The following PHACTR3 variants were observed in gnomAD, a reference collection of about 807,000 sequenced individuals.
PHACTR3 encodes the protein phosphatase and actin regulator 3.
PHACTR3 carries 16 observed loss-of-function variants against 66.8 expected under a neutral mutation model. That is an observed-to-expected ratio of 0.24 (90% CI 0.16 to 0.36). The LOEUF is 0.36. PHACTR3 is among the 10% of genes least tolerant of loss of function. The pLI, the probability that PHACTR3 is intolerant of heterozygous loss-of-function variation, is 1.00. For synonymous variants in PHACTR3, 323 were observed against 292.1 expected (o/e 1.11, Z -1.08); for missense variants, 647 against 719.9 (o/e 0.90, Z 1.16).
chr20:59,596,049 C>T (rs1029264634), intron 1 of PHACTR3, among the ~76,000 whole-genome samples: 7 of 152,340 alleles, frequency 4.6e-5, no homozygotes, highest in African/African-American at 1.2e-4. Flanking sequence ...AAAGCCGCCT[C>T]GTGTCCTCTC....
chr20:59,752,168 G>T (rs967479297), intron 3 of PHACTR3, among the ~76,000 whole-genome samples: 1 of 152,204 alleles, frequency 6.6e-6, no homozygotes, highest in African/African-American at 2.4e-5. Flanking sequence ...TGGTAGGAAC[G>T]CCGGGGGACA....
At chr20:59,624,166 C>G (rs2034364254) in intron 1 of PHACTR3, among the ~76,000 whole-genome samples, 1 of 152,120 alleles carries the variant, frequency 6.6e-6, no homozygotes, top group Admixed American at 6.5e-5. Flanking sequence ...AATTGCCCCT[C>G]TTTTGGTGCT....
intron 8 of PHACTR3, among the ~76,000 whole-genome samples, chr20:59,831,169 C>T (rs554711900): frequency 1.3e-5 from 2 of 152,172 alleles, no homozygotes; most frequent in African/African-American, 2.4e-5. Context: ...TGGCTGGTGC[C>T]CCCTTGGCCC....
At chr20:59,841,261 ATTTGGGT>A (rs2059055436) in intron 10 of PHACTR3, 127 bp from the exon 11 acceptor site, 2 of 814,352 alleles carry the variant, frequency 2.5e-6, no homozygotes, top group Middle Eastern at 3.7e-4. Context: ...GATTGCTTGT[ATTTGGGT>A]TATATTTTCC....
chr20:59,753,349 C>T (rs574691749), intron 3 of PHACTR3, among the ~76,000 whole-genome samples: 1 of 152,224 alleles, frequency 6.6e-6, no homozygotes, highest in Non-Finnish European at 1.5e-5. Context: ...TTTCATTCTC[C>T]CCGGAGGAGA....
chr20:59,789,111 G>A (rs980158172), intron 7 of PHACTR3, among the ~76,000 whole-genome samples: 1 of 152,224 alleles, frequency 6.6e-6, no homozygotes, highest in Non-Finnish European at 1.5e-5. Context: ...AACAGTACAT[G>A]CCTGTTATCC....
In PHACTR3 at chr20:59,735,629, C is replaced by A. The variant is rs1411757788; in HGVS notation, c.119-7478C>A. On this transcript the variant is annotated intron_variant, in intron 1 of 12. Coordinates refer to ENST00000371015, the MANE Select transcript of PHACTR3 (RefSeq NM_080672.5). ...CAGATGGACGAGGAACAGACCCTGG[C>A]TCCAGCGTTTGGCAGCCCTGCACTC... Among the ~76,000 whole-genome samples the A allele has an allele frequency of 2.6e-5, 4 of 152,150 alleles. No homozygotes were observed. The East Asian group carries it at 7.7e-4, about 29-fold the overall frequency.
intron 1 of PHACTR3, among the ~76,000 whole-genome samples, chr20:59,666,574 GAGAC>G (rs1048799113): frequency 5.7e-4 from 87 of 152,204 alleles, no homozygotes; most frequent in African/African-American, 2.0e-3. Flanking sequence ...CAGAGACAGA[GAGAC>G]AGGGAGAGAG....
At chr20:59,718,835 G>A (rs187905765) in intron 1 of PHACTR3, among the ~76,000 whole-genome samples, 4 of 152,352 alleles carry the variant, frequency 2.6e-5, no homozygotes, top group East Asian at 3.9e-4. Context: ...AGATGGCGGC[G>A]TATGTCTATC....
chr20:59,810,834 G>A (rs1326980076), intron 8 of PHACTR3, among the ~76,000 whole-genome samples: 1 of 152,138 alleles, frequency 6.6e-6, no homozygotes, highest in Non-Finnish European at 1.5e-5. Flanking sequence ...TTTAAAACCT[G>A]TGTGGATGCA....
chr20:59,608,929 T>G (rs1267297314), intron 1 of PHACTR3, among the ~76,000 whole-genome samples: 1 of 152,186 alleles, frequency 6.6e-6, no homozygotes, highest in African/African-American at 2.4e-5. Context: ...GGCTTGACCA[T>G]CACCTGAAGT....
intron 1 of PHACTR3, among the ~76,000 whole-genome samples, chr20:59,640,820 C>T (rs967364601): frequency 1.3e-5 from 2 of 152,178 alleles, no homozygotes; most frequent in African/African-American, 4.8e-5. Flanking sequence ...ATACCATTAT[C>T]ATTGCAAAAG....
Position 59,829,826 on chromosome 20 carries a change from G to A in PHACTR3, c.1329-6679G>A, listed in dbSNP as rs1382835498. ...GCTCCACACTGAGGTGACTTTAGAT[G>A]TTGATTCAAACCTTTTCTGTGACAT... On this transcript the variant is annotated intron_variant, in intron 8 of 12. Transcript: ENST00000371015. This position sits in a 1 kb window ranked among gnomAD's most constrained non-coding sequence, Gnocchi z 4.2. Among the ~76,000 whole-genome samples, 1 of 152,248 alleles carries A rather than the reference G, an allele frequency of 6.6e-6. No homozygotes were observed. The highest frequency in any genetic ancestry group is 6.5e-5 in the Admixed American group (1 of 15,290).
intron 8 of PHACTR3, among the ~76,000 whole-genome samples, chr20:59,817,947 G>T (rs1182531): frequency 0.14 from 21,952 of 152,206 alleles, 1,933 homozygotes; most frequent in Middle Eastern, 0.26. Flanking sequence ...TGAGGTTAAG[G>T]GGATTTTCAA....
intron 7 of PHACTR3, among the ~76,000 whole-genome samples, chr20:59,792,660 ATAAT>A (rs1250973727): frequency 1.3e-5 from 2 of 152,206 alleles, no homozygotes; most frequent in Non-Finnish European, 1.5e-5. Flanking sequence ...ATTTTTTCTA[ATAAT>A]TAATGATGTT....
At chr20:59,601,918 T>C (rs936073881), upstream of PHACTR3, among the ~76,000 whole-genome samples, 2 of 152,188 alleles carry the variant, frequency 1.3e-5, no homozygotes, top group Admixed American at 6.5e-5. Flanking sequence ...TCTTATCCTT[T>C]TATATGTTTT....
At chr20:59,824,364 G>T (rs746219) in intron 8 of PHACTR3, among the ~76,000 whole-genome samples, 7,736 of 152,274 alleles carry the variant, frequency 0.051, 423 homozygotes, top group East Asian at 0.22. Context: ...GATTTGTAGA[G>T]AAGCCACTAT....
chr20:59,638,753 T>C (rs1205664210), intron 1 of PHACTR3, among the ~76,000 whole-genome samples: 1 of 145,214 alleles, frequency 6.9e-6, no homozygotes, highest in Non-Finnish European at 1.5e-5. Flanking sequence ...GATAGATGGA[T>C]GGATGGATGG....
At chr20:59,584,194 G>A (rs534439737) in intron 1 of PHACTR3, among the ~76,000 whole-genome samples, 2 of 152,310 alleles carry the variant, frequency 1.3e-5, no homozygotes, top group African/African-American at 2.4e-5. Context: ...GTGTGTGAAC[G>A]TGCATGAGAG....
Sources: allele counts gnomAD v4.1 joint callset (sites outside exome capture counted in the v4.1 genomes callset), GRCh38; gene constraint gnomAD v4.1.1; non-coding constraint Gnocchi (gnomAD v3.1); transcripts MANE v1.5; gene names NCBI Gene and HGNC (gene_info 2026-07-23, HGNC 2026-07-21).